Variants in DNAH9 observed in about 807,000 individuals in gnomAD.
DNAH9 encodes DNAH9 variant protein.
A neutral mutation model predicts 471.6 loss-of-function variants in DNAH9; 345 were observed. The observed-to-expected ratio is 0.73, with a 90% confidence interval of 0.67 to 0.80. The LOEUF (loss-of-function observed/expected upper bound fraction) is 0.80. DNAH9 is among the 30% of genes least tolerant of loss of function. The pLI is 0.00. For missense variants in DNAH9, 5,407 were observed against 5,609.2 expected (o/e 0.96, Z 1.15); for synonymous variants, 2,093 against 2,123.6 (o/e 0.99, Z 0.40).
chr17:11,935,737 A>G lies in DNAH9; in HGVS notation c.12490-1615A>G, dbSNP rs1473797055. On this transcript the variant is annotated intron_variant, in intron 65 of 68. Coordinates refer to ENST00000262442, the MANE Select transcript of DNAH9 (RefSeq NM_001372.4). ...TGAACATGCCTAGAAAAACTCTTGA[A>G]TATAAAACATAAGGGAAATATTGAT... Among the ~76,000 whole-genome samples, 3 of 152,172 alleles carry G rather than the reference A, an allele frequency of 2.0e-5. No individual in the cohort carries two copies. The East Asian group carries it at 5.8e-4, about 29-fold the overall frequency.
intron 67 of DNAH9, among the ~76,000 whole-genome samples, chr17:11,961,449 G>C (rs1976169619): frequency 6.6e-6 from 1 of 152,168 alleles, no homozygotes; most frequent in African/African-American, 2.4e-5. Context: ...CCCTGATTTG[G>C]GGGAATATAG....
chr17:11,672,314 C>T (rs2073985257), intron 17 of DNAH9, among the ~76,000 whole-genome samples: 1 of 152,184 alleles, frequency 6.6e-6, no homozygotes, highest in African/African-American at 2.4e-5. Flanking sequence ...AGCAAATGCC[C>T]ACTGTCCCTT....
At chr17:11,642,424 C>T (rs1032691629) in intron 10 of DNAH9, among the ~76,000 whole-genome samples, 19 of 151,806 alleles carry the variant, frequency 1.3e-4, no homozygotes, top group Admixed American at 9.2e-4. Context: ...GGGCGGGGGG[C>T]GCCTGTAATC....
intron 49 of DNAH9, among the ~76,000 whole-genome samples, chr17:11,844,125 C>A: frequency 6.6e-6 from 1 of 151,288 alleles, no homozygotes; most frequent in East Asian, 1.9e-4. Context: ...GAAAACTTCT[C>A]AAAAGTTTTC....
chr17:11,905,524 G>A, intron 60 of DNAH9, 137 bp from the exon 61 acceptor site: 1 of 876,864 alleles, frequency 1.1e-6, no homozygotes, highest in Non-Finnish European at 1.7e-6. Context: ...TGGACTTGGA[G>A]CCAGTCCTAG....
chr17:11,804,752 T>C (rs1213501957), intron 43 of DNAH9, among the ~76,000 whole-genome samples: 1 of 151,772 alleles, frequency 6.6e-6, no homozygotes, highest in East Asian at 1.9e-4. Context: ...CAGGCACCTG[T>C]AGTCCCAGCT....
At chr17:11,869,073 T>C (rs1307155739) in intron 50 of DNAH9, 61 bp from the exon 51 acceptor site, 2 of 1,585,418 alleles carry the variant, frequency 1.3e-6, no homozygotes, top group African/African-American at 2.7e-5. Context: ...CCTCATCTAA[T>C]GAGCACTGGT....
chr17:11,871,995 C>G (rs1186909347), intron 52 of DNAH9, among the ~76,000 whole-genome samples: 3 of 152,168 alleles, frequency 2.0e-5, no homozygotes, highest in Admixed American at 2.0e-4. Flanking sequence ...GGGGCAGCAC[C>G]TCTCCTCTGA....
chr17:11,876,067 G>A (rs1387833250), intron 53 of DNAH9, among the ~76,000 whole-genome samples: 7 of 152,106 alleles, frequency 4.6e-5, no homozygotes, highest in Non-Finnish European at 8.8e-5. Flanking sequence ...TTTCACGTCC[G>A]AGGAAGCAGA....
chr17:11,784,511 A>G lies in DNAH9; in HGVS notation c.8033A>G (p.Asn2678Ser), dbSNP rs1968788805. ...PTGIKFHYIF[N>S]LRDFANIFQG... ...GGAATCAAATTCCACTACATCTTCAACCTCAGAGATTTTGCCAACATTTTC... is the reference window on the plus strand; with the variant it reads ...GGAATCAAATTCCACTACATCTTCAGCCTCAGAGATTTTGCCAACATTTTC... The change falls in exon 41 of 69, where the codon AAC (asparagine) becomes AGC (serine). Residue 2678 changes from asparagine to serine, a missense_variant. Around this residue, in one of 3 missense-constraint regions of DNAH9, gnomAD observed 4,636 missense variants for 4,900.3 expected, o/e 0.95. Coordinates refer to ENST00000262442, the MANE Select transcript of DNAH9 (RefSeq NM_001372.4). 6.2e-7 allele frequency: 1 copy of G among 1,613,890 alleles called. No homozygotes were observed. The highest frequency in any genetic ancestry group is 1.3e-5 in the African/African-American group (1 of 74,872).
intron 5 of DNAH9, 24 bp downstream of exon 5, chr17:11,617,646 C>G (rs1343484564): frequency 6.4e-7 from 1 of 1,571,298 alleles, no homozygotes; most frequent in African/African-American, 1.3e-5. Context: ...GGATGCCCAG[C>G]AACTGCTCCC....
intron 48 of DNAH9, among the ~76,000 whole-genome samples, chr17:11,833,882 T>C (rs755649667): frequency 1.3e-5 from 2 of 152,198 alleles, no homozygotes; most frequent in Non-Finnish European, 2.9e-5. Flanking sequence ...GTTAAATCTT[T>C]GGCACACTCC....
At chr17:11,873,094 A>G (rs753838538) in intron 52 of DNAH9, among the ~76,000 whole-genome samples, 1 of 152,254 alleles carries the variant, frequency 6.6e-6, no homozygotes, top group African/African-American at 2.4e-5. Flanking sequence ...TCACCTGACA[A>G]TTAGCTGAAC....
At chr17:11,622,968 C>CTTTTTTT (rs10551080) in intron 6 of DNAH9, among the ~76,000 whole-genome samples, 3 of 105,388 alleles carry the variant, frequency 2.8e-5, no homozygotes, top group African/African-American at 1.1e-4. Context: ...TTTTCTTTTT[C>CTTTTTTT]TTTTTTTTTT....
chr17:11,644,801 T>A, intron 11 of DNAH9, 102 bp downstream of exon 11: 1 of 801,178 alleles, frequency 1.2e-6, no homozygotes. Context: ...CTCCGAAGTA[T>A]CACTCTATGT....
intron 7 of DNAH9, chr17:11,630,017 G>T (rs1308526261): frequency 6.4e-6 from 1 of 155,184 alleles, no homozygotes; most frequent in Admixed American, 6.4e-5. Context: ...GAGTGGAATG[G>T]TGGCTGCCAG....
intron 50 of DNAH9, 88 bp downstream of exon 50, chr17:11,854,516 G>T: frequency 7.0e-7 from 1 of 1,424,136 alleles, no homozygotes; most frequent in Non-Finnish European, 9.4e-7. Context: ...TAACGTTACG[G>T]TTTTTAAAGA....
At position 11,898,607 on chromosome 17, in the gene DNAH9, AATCACC is replaced by A. The variant is rs749395092; in HGVS notation, c.11407-4111_11407-4106del. 2.6e-5 allele frequency among the ~76,000 whole-genome samples: 4 copies of A among 152,316 alleles called. No homozygotes were observed. In the South Asian group the frequency reaches 6.2e-4, roughly 24 times the overall value. ...TCACCCCATAACAATTATGATGACT[AATCACC>A]CAGCTATCTGGTGTCCACATGCTAT... On this transcript the variant is annotated intron_variant, in intron 59 of 68. Coordinates refer to ENST00000262442, the MANE Select transcript of DNAH9 (RefSeq NM_001372.4).
In DNAH9 at chr17:11,969,183, A is replaced by G; in HGVS notation, c.13234-117A>G. 3 of 858,324 alleles carry G rather than the reference A, an allele frequency of 3.5e-6. No homozygotes were observed. The South Asian group carries it at 4.9e-5, about 14-fold the overall frequency. The allele number at this position is 858,324 out of a possible 1,614,324, so 53.2% of individuals were successfully genotyped here. On this transcript the variant is annotated intron_variant, in intron 68 of 68. Transcript: ENST00000262442. Reference sequence around the variant, plus strand: ...TGAGAAAACCTGGAAGGGGGCAGGCATAAAGGCAGCCATGTCAGTCCAGTC... The same window carrying G: ...TGAGAAAACCTGGAAGGGGGCAGGCGTAAAGGCAGCCATGTCAGTCCAGTC...
Sources: allele counts gnomAD v4.1 joint callset (sites outside exome capture counted in the v4.1 genomes callset), GRCh38; gene constraint gnomAD v4.1.1; regional missense constraint gnomAD v4.1.1; transcripts MANE v1.5; gene names NCBI Gene and HGNC (gene_info 2026-07-23, HGNC 2026-07-21).